SPAG16: variants seen among roughly 807,000 people sequenced by gnomAD.
The protein encoded by SPAG16 is sperm associated antigen 16.
SPAG16 carries 86 observed loss-of-function variants against 80.4 expected under a neutral mutation model. The observed-to-expected ratio is 1.07, with a 90% CI of 0.90 to 1.28. SPAG16 has a LOEUF of 1.28. Among genes scored for constraint, SPAG16 ranks in the 50% most tolerant of loss-of-function variants. SPAG16 has a pLI of 0.00. For synonymous variants in SPAG16, 294 were observed against 265.9 expected, an observed-to-expected ratio of 1.11 and a Z score of -1.03; for missense variants, 870 against 765.3, an observed-to-expected ratio of 1.14 and a Z score of -1.61.
intron 15 of SPAG16, among the ~76,000 whole-genome samples, chr2:214,355,208 AG>A (rs1559237514): frequency 1.3e-5 from 2 of 148,860 alleles, no homozygotes; most frequent in Non-Finnish European, 3.0e-5. Context: ...GCACAGCAAA[AG>A]AAACTACCAT....
At chr2:213,898,906 A>G (rs1206092656) in intron 11 of SPAG16, among the ~76,000 whole-genome samples, 1 of 152,136 alleles carries the variant, frequency 6.6e-6, no homozygotes, top group Non-Finnish European at 1.5e-5. Flanking sequence ...TCTCTCATGG[A>G]AAGGAAAATA....
intron 6 of SPAG16, among the ~76,000 whole-genome samples, chr2:213,344,981 G>A (rs1022939592): frequency 1.4e-4 from 21 of 152,106 alleles, no homozygotes; most frequent in Non-Finnish European, 5.9e-5. Context: ...GGTTGAACTA[G>A]TTTACAGTCC....
chr2:213,532,508 C>G (rs948060813), intron 10 of SPAG16, among the ~76,000 whole-genome samples: 21 of 146,630 alleles, frequency 1.4e-4, no homozygotes, highest in African/African-American at 5.4e-4. Context: ...GTTGCCAATG[C>G]TAGAGTTAAG....
At chr2:213,713,885 G>A (rs1478544144) in intron 10 of SPAG16, among the ~76,000 whole-genome samples, 2 of 152,152 alleles carry the variant, frequency 1.3e-5, no homozygotes, top group Non-Finnish European at 2.9e-5. Context: ...AGGGGAAATT[G>A]AACAAAGTAT....
intron 15 of SPAG16, among the ~76,000 whole-genome samples, chr2:214,314,740 A>G (rs1327621036): frequency 1.7e-5 from 2 of 117,368 alleles, no homozygotes; most frequent in South Asian, 2.6e-4. Context: ...TAAGTTGGAA[A>G]TGTTTAAAAA....
chr2:214,001,171 G>A (rs2046771563), intron 12 of SPAG16, among the ~76,000 whole-genome samples: 1 of 152,104 alleles, frequency 6.6e-6, no homozygotes, highest in African/African-American at 2.4e-5. Flanking sequence ...GAGTTTATGA[G>A]GTTATACTTC....
intron 15 of SPAG16, among the ~76,000 whole-genome samples, chr2:214,216,469 A>G (rs924851139): frequency 9.9e-5 from 15 of 152,066 alleles, no homozygotes; most frequent in African/African-American, 3.4e-4. Context: ...TTACAGGCAC[A>G]TGCCACCACG....
intron 10 of SPAG16, among the ~76,000 whole-genome samples, chr2:213,523,916 A>G (rs1055300723): frequency 6.6e-6 from 1 of 152,228 alleles, no homozygotes; most frequent in Non-Finnish European, 1.5e-5. Context: ...TGACAATGCA[A>G]TAGAAAAGAA....
chr2:213,915,069 A>G (rs922697274), intron 11 of SPAG16, among the ~76,000 whole-genome samples: 3 of 152,088 alleles, frequency 2.0e-5, no homozygotes, highest in African/African-American at 7.2e-5. Flanking sequence ...AATGAGAATC[A>G]AAGTCACGTC....
rs113672139 is a variant in SPAG16 at position 213,507,142 on chromosome 2, G to T, written c.1070+17052G>T. ...TATCAAAACTTACCCTAAAGGTGGG[G>T]ATAAGTTTGAACTGATAATGAAAGG... On this transcript the variant is annotated intron_variant, in intron 10 of 15. Coordinates refer to ENST00000331683, the MANE Select transcript of SPAG16 (RefSeq NM_024532.5). Among the ~76,000 whole-genome samples the T allele has an allele frequency of 7.9e-4, 121 of 152,298 alleles. 2 individuals are homozygous for T. The highest frequency in any genetic ancestry group is 3.4e-3 in the Middle Eastern group (1 of 294).
At chr2:214,191,913 G>T (rs1241426691) in intron 15 of SPAG16, among the ~76,000 whole-genome samples, 2 of 151,764 alleles carry the variant, frequency 1.3e-5, no homozygotes, top group Non-Finnish European at 2.9e-5. Context: ...GTTTTAATAT[G>T]CAAATTCCTG....
At chr2:213,761,338 A>G (rs2068645905) in intron 10 of SPAG16, among the ~76,000 whole-genome samples, 1 of 152,198 alleles carries the variant, frequency 6.6e-6, no homozygotes, top group Non-Finnish European at 1.5e-5. Context: ...CTAGCTTTAC[A>G]ATGTATGGAA....
At chr2:213,503,151 A>G (rs918300719) in intron 10 of SPAG16, among the ~76,000 whole-genome samples, 1 of 152,176 alleles carries the variant, frequency 6.6e-6, no homozygotes, top group African/African-American at 2.4e-5. Context: ...ACATTCTAAT[A>G]TCTAATATTG....
chr2:214,200,151 T>C (rs1232045025), intron 15 of SPAG16, among the ~76,000 whole-genome samples: 2 of 152,000 alleles, frequency 1.3e-5, no homozygotes, highest in Non-Finnish European at 2.9e-5. Flanking sequence ...TAAATAGAAG[T>C]GGTGTCTTGT....
In SPAG16 at chr2:213,980,469, ATG is replaced by A. The variant is rs1374392576; in HGVS notation, c.1401-33476_1401-33475del. Among the ~76,000 whole-genome samples the A allele has an allele frequency of 6.3e-5, 8 of 126,442 alleles. 1 individual carries two copies. The highest frequency in any genetic ancestry group is 2.3e-4 in the East Asian group (1 of 4,398). 83.0% of individuals were successfully genotyped at this position (126,442 alleles called of 152,430 possible). On this transcript the variant is annotated intron_variant, in intron 12 of 15. Coordinates refer to ENST00000331683, the MANE Select transcript of SPAG16 (RefSeq NM_024532.5). Reference sequence around the variant, plus strand: ...TATATTCTATATATATATAGAATATATGTGTGTATATATATAATATATATAGA... The same window carrying A: ...TATATTCTATATATATATAGAATATATGTGTATATATATAATATATATAGA...
At chr2:213,561,792 G>T (rs1309376751) in intron 10 of SPAG16, among the ~76,000 whole-genome samples, 4 of 151,942 alleles carry the variant, frequency 2.6e-5, no homozygotes, top group African/African-American at 9.7e-5. Flanking sequence ...GCCTTTTGTT[G>T]TATAACTAAT....
In SPAG16 at chr2:213,397,322, A is replaced by G. The variant is rs137870442; in HGVS notation, c.942+22203A>G. ...ACCTTTAAGGGTAACTGTTCTCTCT[A>G]CTCCACTCAAATGTAGCATAGGTCC... On this transcript the variant is annotated intron_variant, in intron 9 of 15. Transcript: ENST00000331683. Among the ~76,000 whole-genome samples the G allele has an allele frequency of 2.4e-4, 37 of 151,956 alleles. No homozygotes were observed. In the East Asian group the frequency reaches 5.8e-3, roughly 24 times the overall value.
chr2:213,720,817 C>T (rs2066498893), intron 10 of SPAG16, among the ~76,000 whole-genome samples: 1 of 137,968 alleles, frequency 7.2e-6, no homozygotes, highest in African/African-American at 2.7e-5. Context: ...ACGATCTCGG[C>T]TCACTGCAAG....
chr2:214,108,074 G>C, intron 13 of SPAG16, 122 bp from the exon 14 acceptor site: 1 of 665,404 alleles, frequency 1.5e-6, no homozygotes, highest in Non-Finnish European at 2.6e-6. Context: ...TTTCTATGGT[G>C]AGAATGTATT....
Sources: allele counts gnomAD v4.1 joint callset (sites outside exome capture counted in the v4.1 genomes callset), GRCh38; gene constraint gnomAD v4.1.1; transcripts MANE v1.5; gene names NCBI Gene and HGNC (gene_info 2026-07-23, HGNC 2026-07-21).